Variants in HDAC9 observed in about 807,000 individuals in gnomAD.
The protein encoded by HDAC9 is histone deacetylase 9, also known as MEF-2 interacting transcription repressor (MITR) protein.
Under a neutral mutation model 139.4 loss-of-function variants are expected in HDAC9, and 41 were observed. The observed-to-expected ratio is 0.29, with a 90% CI of 0.23 to 0.38. The LOEUF is 0.38. HDAC9 is among the 10% of genes least tolerant of loss of function. The pLI is 1.00. For synonymous variants in HDAC9, 517 were observed against 476.2 expected, an observed-to-expected ratio of 1.09 and a Z score of -1.12; for missense variants, 1,147 against 1,297.0, an observed-to-expected ratio of 0.88 and a Z score of 1.78.
chr7:18,968,446 T>A (rs578262608), intron 24 of HDAC9, among the ~76,000 whole-genome samples: 1 of 152,212 alleles, frequency 6.6e-6, no homozygotes, highest in East Asian at 1.9e-4. Flanking sequence ...GAGAGATATA[T>A]GATACAGAGA....
chr7:18,537,055 G>T (rs897586540), intron 2 of HDAC9, among the ~76,000 whole-genome samples: 1 of 152,088 alleles, frequency 6.6e-6, no homozygotes, highest in African/African-American at 2.4e-5. Flanking sequence ...GAACTATGGG[G>T]CTAACTTACT....
chr7:18,949,613 C>A (rs1233658394), intron 23 of HDAC9: 2 of 168,780 alleles, frequency 1.2e-5, no homozygotes, highest in South Asian at 2.9e-4. Flanking sequence ...GGTACCAGCT[C>A]CTGAACTGGC....
intron 1 of HDAC9, among the ~76,000 whole-genome samples, chr7:18,291,018 A>G (rs1797771206): frequency 6.6e-6 from 1 of 152,184 alleles, no homozygotes; most frequent in Admixed American, 6.6e-5. Context: ...TTTCCCATGC[A>G]TCTATCACAT....
chr7:18,700,418 A>T lies in HDAC9; in HGVS notation c.1732-27162A>T, dbSNP rs1249052481. ...CTGCCATTCTAGAATTTAGTTTCCC[A>T]GAAGTAACTGAGGTAGTTGGTCTGT... On this transcript the variant is annotated intron_variant, in intron 12 of 25. Transcript: ENST00000686413. Among the ~76,000 whole-genome samples the T allele has an allele frequency of 2.6e-5, 4 of 152,212 alleles. No individual in the cohort carries two copies. In the East Asian group the frequency reaches 5.8e-4, roughly 22 times the overall value.
chr7:18,574,255 G>T (rs915381650), intron 2 of HDAC9, among the ~76,000 whole-genome samples: 4 of 152,198 alleles, frequency 2.6e-5, no homozygotes, highest in Non-Finnish European at 5.9e-5. Flanking sequence ...ACAGTGGGTA[G>T]CTCCTTCCCC....
intron 12 of HDAC9, among the ~76,000 whole-genome samples, chr7:18,700,569 C>T (rs747430654): frequency 3.9e-5 from 6 of 152,308 alleles, no homozygotes; most frequent in Non-Finnish European, 8.8e-5. Context: ...GAGTTGGCAA[C>T]CTTTTGCTCT....
intron 1 of HDAC9, among the ~76,000 whole-genome samples, chr7:18,093,663 A>G (rs542362258): frequency 6.6e-6 from 1 of 152,298 alleles, no homozygotes; most frequent in South Asian, 2.1e-4. Flanking sequence ...CTACTATTAA[A>G]TTAAATCAGG....
intron 1 of HDAC9, among the ~76,000 whole-genome samples, chr7:18,162,047 A>T (rs1787661971): frequency 6.6e-6 from 1 of 151,952 alleles, no homozygotes; most frequent in Non-Finnish European, 1.5e-5. Context: ...TATAAGGGAG[A>T]CTGCTAAATT....
At chr7:18,804,321 A>T (rs1383267723) in intron 17 of HDAC9, among the ~76,000 whole-genome samples, 2 of 152,186 alleles carry the variant, frequency 1.3e-5, no homozygotes, top group Non-Finnish European at 2.9e-5. Flanking sequence ...AAGTGAGATG[A>T]GGTTAGAGAG....
chr7:18,934,470 A>T (rs1388265825), intron 22 of HDAC9, among the ~76,000 whole-genome samples: 1 of 152,226 alleles, frequency 6.6e-6, no homozygotes, highest in Non-Finnish European at 1.5e-5. Context: ...AAATGCAATG[A>T]TGGCTTCATA....
At chr7:18,802,380 A>G (rs1793373616) in intron 17 of HDAC9, among the ~76,000 whole-genome samples, 1 of 151,946 alleles carries the variant, frequency 6.6e-6, no homozygotes, top group Non-Finnish European at 1.5e-5. Flanking sequence ...TTTGATCTGT[A>G]TCATACTAGT....
At chr7:18,836,366 C>G (rs1389402156) in intron 21 of HDAC9, among the ~76,000 whole-genome samples, 1 of 152,162 alleles carries the variant, frequency 6.6e-6, no homozygotes, top group Non-Finnish European at 1.5e-5. Context: ...AAGCATTTCT[C>G]AAACTTCATT....
chr7:18,750,328 T>C (rs1788332929), intron 14 of HDAC9, among the ~76,000 whole-genome samples: 1 of 152,210 alleles, frequency 6.6e-6, no homozygotes, highest in Admixed American at 6.5e-5. Flanking sequence ...ATTAATTGGT[T>C]TTTAAAAACA....
chr7:18,614,068 A>T (rs1234314458), intron 6 of HDAC9, among the ~76,000 whole-genome samples: 1 of 152,010 alleles, frequency 6.6e-6, no homozygotes, highest in African/African-American at 2.4e-5. Flanking sequence ...CTTCTTATTC[A>T]TTCTAACCAG....
At chr7:18,827,863 A>G (rs1795571318) in intron 17 of HDAC9, among the ~76,000 whole-genome samples, 1 of 152,138 alleles carries the variant, frequency 6.6e-6, no homozygotes. Context: ...TATAGTGTCA[A>G]TCTACCATCT....
chr7:18,983,542 T>G (rs1202236318), intron 25 of HDAC9, among the ~76,000 whole-genome samples: 2 of 152,204 alleles, frequency 1.3e-5, no homozygotes, highest in Non-Finnish European at 2.9e-5. Flanking sequence ...CTATGAAATT[T>G]TCATACAAGT....
intron 2 of HDAC9, among the ~76,000 whole-genome samples, chr7:18,568,416 A>C (rs1823176834): frequency 6.6e-6 from 1 of 152,220 alleles, no homozygotes; most frequent in Non-Finnish European, 1.5e-5. Flanking sequence ...GGATAATAGT[A>C]AAGCTGTGTA....
chr7:18,130,410 A>G (rs959865186), intron 1 of HDAC9, among the ~76,000 whole-genome samples: 3 of 152,038 alleles, frequency 2.0e-5, no homozygotes, highest in African/African-American at 7.2e-5. Context: ...CAATTCCCCA[A>G]ATGTTTTATT....
intron 22 of HDAC9, among the ~76,000 whole-genome samples, chr7:18,917,006 T>G (rs542423296): frequency 1.3e-5 from 2 of 152,146 alleles, no homozygotes; most frequent in South Asian, 4.1e-4. Flanking sequence ...TTTATTGATG[T>G]TAGAATACAT....
Sources: allele counts gnomAD v4.1 joint callset (sites outside exome capture counted in the v4.1 genomes callset), GRCh38; gene constraint gnomAD v4.1.1; transcripts MANE v1.5; gene names NCBI Gene and HGNC (gene_info 2026-07-23, HGNC 2026-07-21).